The following SCN11A variants were observed in gnomAD, a reference collection of about 807,000 sequenced individuals.
SCN11A encodes sodium channel protein type 11 subunit alpha.
SCN11A carries 122 observed loss-of-function variants against 162.2 expected under a neutral mutation model. That is an observed-to-expected ratio of 0.75 (90% CI 0.65 to 0.87). The LOEUF is 0.87. SCN11A is among the 40% of genes least tolerant of loss of function. The pLI is 0.00. For missense variants in SCN11A, 2,015 were observed against 2,181.6 expected (o/e 0.92, Z 1.52); for synonymous variants, 758 against 751.5 (o/e 1.01, Z -0.14).
chr3:38,902,498 T>C (rs2065717724), intron 16 of SCN11A, among the ~76,000 whole-genome samples: 1 of 151,910 alleles, frequency 6.6e-6, no homozygotes, highest in South Asian at 2.1e-4. Context: ...GGATGACAGG[T>C]ACCTGACTCT....
At chr3:38,916,424 GT>G (rs2065961798) in intron 11 of SCN11A, among the ~76,000 whole-genome samples, 1 of 152,152 alleles carries the variant, frequency 6.6e-6, no homozygotes, top group Non-Finnish European at 1.5e-5. Flanking sequence ...TTCTACCACA[GT>G]CTTGTAATTG....
At chr3:38,856,929 A>G (rs1327863175) in intron 28 of SCN11A, among the ~76,000 whole-genome samples, 1 of 152,132 alleles carries the variant, frequency 6.6e-6, no homozygotes, top group Admixed American at 6.5e-5. Flanking sequence ...AGCACCAATA[A>G]TCAAATTAGG....
At chr3:38,922,634 A>C (rs1034169859) in intron 9 of SCN11A, among the ~76,000 whole-genome samples, 1 of 152,140 alleles carries the variant, frequency 6.6e-6, no homozygotes. Flanking sequence ...AAGCTCCTAA[A>C]TCTACCTGGG....
At chr3:38,977,507 T>C (rs1305687924) in intron 2 of SCN11A, among the ~76,000 whole-genome samples, 1 of 152,238 alleles carries the variant, frequency 6.6e-6, no homozygotes, top group Non-Finnish European at 1.5e-5. Context: ...TTGAAAACCC[T>C]TTAGAACATT....
intron 2 of SCN11A, among the ~76,000 whole-genome samples, chr3:38,966,397 A>G (rs138670964): frequency 6.6e-6 from 1 of 152,290 alleles, no homozygotes; most frequent in African/African-American, 2.4e-5. Context: ...AAATTATGTA[A>G]TTTGAGGTAG....
chr3:38,911,551 C>G (rs897773094), intron 11 of SCN11A, among the ~76,000 whole-genome samples: 2 of 152,160 alleles, frequency 1.3e-5, no homozygotes, highest in African/African-American at 4.8e-5. Context: ...ATCTTTAGTC[C>G]CAGGTAAATT....
chr3:38,895,697 G>T (rs2065585235), intron 18 of SCN11A, among the ~76,000 whole-genome samples: 1 of 152,156 alleles, frequency 6.6e-6, no homozygotes, highest in Non-Finnish European at 1.5e-5. Flanking sequence ...TTCCTCAGCT[G>T]CACTGTGAGA....
At chr3:38,871,210 G>A (rs2065120258) in intron 25 of SCN11A, among the ~76,000 whole-genome samples, 1 of 152,210 alleles carries the variant, frequency 6.6e-6, no homozygotes, top group Admixed American at 6.5e-5. Context: ...TACAGGACAA[G>A]GTGAGATGTA....
At chr3:38,872,648 A>T (rs58540879) in intron 23 of SCN11A, among the ~76,000 whole-genome samples, 14,888 of 152,210 alleles carry the variant, frequency 0.098, 865 homozygotes, top group Middle Eastern at 0.16. Flanking sequence ...AATTTGAAAA[A>T]TTTGAAAATG....
intron 2 of SCN11A, among the ~76,000 whole-genome samples, chr3:39,006,201 A>T (rs2030969687): frequency 6.6e-6 from 1 of 152,200 alleles, no homozygotes; most frequent in South Asian, 2.1e-4. Flanking sequence ...ACATTCTGAT[A>T]TTCACTATGA....
intron 11 of SCN11A, among the ~76,000 whole-genome samples, chr3:38,912,758 C>G (rs2065903253): frequency 6.6e-6 from 1 of 152,184 alleles, no homozygotes; most frequent in Admixed American, 6.5e-5. Context: ...CTTTAGTTTG[C>G]TAAGGCTAAT....
At chr3:38,927,139 T>C (rs911495475) in intron 7 of SCN11A, among the ~76,000 whole-genome samples, 6 of 152,144 alleles carry the variant, frequency 3.9e-5, no homozygotes, top group Non-Finnish European at 7.4e-5. Context: ...CAGAGATAAA[T>C]TGTGAAGCTG....
chr3:38,888,808 T>TC (rs1264528629), intron 19 of SCN11A, among the ~76,000 whole-genome samples: 1 of 151,976 alleles, frequency 6.6e-6, no homozygotes, highest in East Asian at 1.9e-4. Flanking sequence ...ATCTGACCTC[T>TC]CCCCCCATCC....
chr3:38,963,420 TGG>T (rs2066759052), intron 2 of SCN11A, among the ~76,000 whole-genome samples: 1 of 44,558 alleles, frequency 2.2e-5, no homozygotes, highest in Non-Finnish European at 3.8e-5. Context: ...ATATATATGA[TGG>T]AGATATATAT....
chr3:38,930,978 A>C (rs2066231238), intron 7 of SCN11A, among the ~76,000 whole-genome samples: 1 of 152,244 alleles, frequency 6.6e-6, no homozygotes, highest in South Asian at 2.1e-4. Context: ...GGCTCCTTGC[A>C]TCTCACCACA....
intron 14 of SCN11A, among the ~76,000 whole-genome samples, chr3:38,905,772 C>T (rs970254987): frequency 2.0e-5 from 3 of 152,144 alleles, no homozygotes; most frequent in South Asian, 2.1e-4. Context: ...AGTGAACAAC[C>T]GCCTATACGG....
chr3:38,900,969 T>C (rs1411262234), intron 16 of SCN11A, among the ~76,000 whole-genome samples: 1 of 152,120 alleles, frequency 6.6e-6, no homozygotes. Context: ...AAATAATTTC[T>C]TCACGGCAAA....
At chr3:39,031,372 A>C (rs1265129525) in intron 2 of SCN11A, among the ~76,000 whole-genome samples, 1 of 152,076 alleles carries the variant, frequency 6.6e-6, no homozygotes, top group Non-Finnish European at 1.5e-5. Context: ...CTAAAAATAC[A>C]AAAATTAGCT....
intron 2 of SCN11A, among the ~76,000 whole-genome samples, chr3:38,969,629 G>A (rs2066804369): frequency 6.6e-6 from 1 of 152,192 alleles, no homozygotes; most frequent in Admixed American, 6.5e-5. Context: ...TGCTCCCTGT[G>A]TTTGGTCATT....
Sources: allele counts gnomAD v4.1 joint callset (sites outside exome capture counted in the v4.1 genomes callset), GRCh38; gene constraint gnomAD v4.1.1; transcripts MANE v1.5; gene names NCBI Gene and HGNC (gene_info 2026-07-23, HGNC 2026-07-21).